The following STXBP6 variants were observed in gnomAD, a reference collection of about 807,000 sequenced individuals.
STXBP6 encodes the protein syntaxin-binding protein 6.
A neutral mutation model predicts 26.9 loss-of-function variants in STXBP6; 21 were observed. The observed-to-expected ratio is 0.78, with a 90% CI of 0.55 to 1.12. STXBP6 has a LOEUF of 1.12. STXBP6 is among the 50% of genes most tolerant of loss of function. The pLI is 0.00. For synonymous variants in STXBP6, 97 were observed against 92.6 expected, an observed-to-expected ratio of 1.05 and a Z score of -0.27; for missense variants, 232 against 257.9, an observed-to-expected ratio of 0.90 and a Z score of 0.69.
chr14:24,866,295 T>G (rs2069718398), intron 2 of STXBP6, among the ~76,000 whole-genome samples: 5 of 152,180 alleles, frequency 3.3e-5, no homozygotes. Context: ...GATTTTGGAC[T>G]TCCCAGTCTC....
intron 2 of STXBP6, among the ~76,000 whole-genome samples, chr14:24,881,028 T>C (rs1004653481): frequency 5.3e-5 from 8 of 152,232 alleles, no homozygotes; most frequent in African/African-American, 1.9e-4. Context: ...CACACACTTT[T>C]CATTCCTCTA....
chr14:24,938,291 G>A (rs1299978661), intron 2 of STXBP6, among the ~76,000 whole-genome samples: 1 of 152,100 alleles, frequency 6.6e-6, no homozygotes, highest in South Asian at 2.1e-4. Context: ...GGCTTAGGAT[G>A]GTTTATCTCC....
intron 2 of STXBP6, 150 bp from the exon 3 acceptor site, chr14:24,857,307 T>C (rs1207081897): frequency 3.1e-5 from 32 of 1,027,260 alleles, no homozygotes; most frequent in Non-Finnish European, 4.1e-5. Context: ...AATAAATATG[T>C]GTGCCTTTGG....
chr14:24,855,839 G>A, intron 4 of STXBP6, 97 bp downstream of exon 4: 1 of 1,202,002 alleles, frequency 8.3e-7, no homozygotes, highest in Non-Finnish European at 1.2e-6. Flanking sequence ...TTCTTCTCCT[G>A]TTTTTGTCTT....
At chr14:25,033,450 T>A (rs1048860025) in intron 1 of STXBP6, among the ~76,000 whole-genome samples, 2 of 152,198 alleles carry the variant, frequency 1.3e-5, no homozygotes, top group Admixed American at 6.5e-5. Context: ...ATCTTGTCAA[T>A]CTAATCACTT....
rs915704721 is a variant in STXBP6 at position 24,912,663 on chromosome 14, G to A, written c.155-55506C>T. Among the ~76,000 whole-genome samples the A allele has an allele frequency of 5.3e-5, 8 of 152,162 alleles. 2 individuals carry two copies. Among genetic ancestry groups the A allele is most frequent in the Admixed American group, 3.9e-4 (6 of 15,270 alleles). On this transcript the variant is annotated intron_variant, in intron 2 of 5. Transcript: ENST00000323944. Reference sequence around the variant, plus strand: ...TGGCAAGAGGTACAAGTGAGTAAATGTGAGTACACTTGATTAATGCTGCTC... The same window carrying A: ...TGGCAAGAGGTACAAGTGAGTAAATATGAGTACACTTGATTAATGCTGCTC...
intron 2 of STXBP6, among the ~76,000 whole-genome samples, chr14:24,958,289 C>T (rs142879293): frequency 1.3e-5 from 2 of 152,230 alleles, no homozygotes; most frequent in African/African-American, 4.8e-5. Context: ...ACTTTATGTA[C>T]CATCATCCAA....
intron 1 of STXBP6, among the ~76,000 whole-genome samples, chr14:25,020,392 A>T (rs2075239779): frequency 6.6e-6 from 1 of 152,202 alleles, no homozygotes; most frequent in African/African-American, 2.4e-5. Flanking sequence ...CTGAATTTCC[A>T]ATGAAATCAA....
chr14:25,009,197 T>G (rs916417786), intron 1 of STXBP6, among the ~76,000 whole-genome samples: 1 of 152,204 alleles, frequency 6.6e-6, no homozygotes, highest in Non-Finnish European at 1.5e-5. Context: ...TAAGGACGTC[T>G]TAAAGCAATT....
At chr14:24,966,776 T>G (rs1012956614) in intron 2 of STXBP6, among the ~76,000 whole-genome samples, 1 of 152,188 alleles carries the variant, frequency 6.6e-6, no homozygotes, top group Non-Finnish European at 1.5e-5. Flanking sequence ...GCCAGGAGTC[T>G]CTCCAAATTT....
chr14:24,979,624 T>C (rs2074135542), intron 1 of STXBP6, among the ~76,000 whole-genome samples: 1 of 152,166 alleles, frequency 6.6e-6, no homozygotes, highest in African/African-American at 2.4e-5. Flanking sequence ...CAACTCAGAG[T>C]GTCTTTCTGG....
intron 2 of STXBP6, among the ~76,000 whole-genome samples, chr14:24,959,055 T>G (rs2073437505): frequency 1.3e-5 from 2 of 152,182 alleles, no homozygotes; most frequent in Non-Finnish European, 2.9e-5. Flanking sequence ...TGGGTGATAG[T>G]CGTTGATCAA....
intron 1 of STXBP6, among the ~76,000 whole-genome samples, chr14:25,009,901 G>A (rs2074992556): frequency 6.6e-6 from 1 of 152,098 alleles, no homozygotes; most frequent in South Asian, 2.1e-4. Context: ...ATGCTAACAG[G>A]CTACCCCCAA....
At chr14:24,931,235 G>A (rs1393315516) in intron 2 of STXBP6, among the ~76,000 whole-genome samples, 2 of 132,498 alleles carry the variant, frequency 1.5e-5, no homozygotes, top group Non-Finnish European at 1.6e-5. Flanking sequence ...GGGGCCTGTC[G>A]TGAGGTGGGG....
Position 24,986,044 on chromosome 14 carries a change from G to A in STXBP6, c.-32-11194C>T, listed in dbSNP as rs145964715. Reference sequence around the variant, plus strand: ...AATAGTAGAGCAGTGCCGAATTTGTGGAAGGTGAGAACAGGTGGTGTGTTG... The same window carrying A: ...AATAGTAGAGCAGTGCCGAATTTGTAGAAGGTGAGAACAGGTGGTGTGTTG... On this transcript the variant is annotated intron_variant, in intron 1 of 5. Transcript: ENST00000323944. Among the ~76,000 whole-genome samples, 5 of 152,310 alleles carry A rather than the reference G, an allele frequency of 3.3e-5. No homozygotes were observed. The East Asian group carries it at 9.6e-4, about 29-fold the overall frequency.
Position 25,049,238 on chromosome 14 carries a change from T to G in STXBP6, c.-33+640A>C. ...CAGCCACGTTGCCCGGCGGTGTTGG[T>G]GAGGCTCGATGCCGGCGTGCACGGC... On this transcript the variant is annotated intron_variant, in intron 1 of 5. Coordinates refer to ENST00000323944, the MANE Select transcript of STXBP6 (RefSeq NM_001394410.1). The surrounding 1 kb of genome is among the most constrained non-coding windows in gnomAD (Gnocchi z 5.6). 1 of 985,368 alleles carries G rather than the reference T, an allele frequency of 1.0e-6. No homozygotes were observed. Among genetic ancestry groups the G allele is most frequent in the East Asian group, 1.1e-4 (1 of 8,784 alleles). The allele number at this position is 985,368 out of a possible 1,614,324, so 61.0% of individuals were successfully genotyped here. A position where few individuals can be genotyped will look rare whatever the true frequency, so the allele number is the denominator to read the frequency against.
chr14:24,925,519 G>T (rs1421166498), intron 2 of STXBP6, among the ~76,000 whole-genome samples: 2 of 152,186 alleles, frequency 1.3e-5, no homozygotes, highest in Non-Finnish European at 2.9e-5. Flanking sequence ...GCAGCACGGG[G>T]AGGGAGGGAA....
At chr14:24,978,842 G>A (rs1004747340) in intron 1 of STXBP6, among the ~76,000 whole-genome samples, 1 of 152,124 alleles carries the variant, frequency 6.6e-6, no homozygotes, top group Non-Finnish European at 1.5e-5. Flanking sequence ...CATCCTTTAG[G>A]TTAGGAGTTG....
chr14:24,996,681 G>A (rs1163440203), intron 1 of STXBP6, among the ~76,000 whole-genome samples: 6 of 151,428 alleles, frequency 4.0e-5, no homozygotes, highest in Admixed American at 2.0e-4. Flanking sequence ...GAGAAACCCC[G>A]TCTCTACTAA....
Sources: gnomAD v4.1 joint callset for allele counts (sites outside exome capture counted in the v4.1 genomes callset) on GRCh38, gnomAD v4.1.1 for gene constraint, Gnocchi (gnomAD v3.1) non-coding constraint, MANE v1.5 for transcripts, NCBI Gene and HGNC (gene_info 2026-07-23, HGNC 2026-07-21) for gene names.